CENPE: variants seen among roughly 807,000 people sequenced by gnomAD.
The protein encoded by CENPE is centromere-associated protein E.
CENPE carries 145 observed loss-of-function variants against 336.1 expected under a neutral mutation model. That is an observed-to-expected ratio of 0.43 (90% CI 0.38 to 0.50). The LOEUF is 0.50. CENPE is among the 20% of genes least tolerant of loss of function. The probability of loss-of-function intolerance (pLI) is 0.00; values close to 1 mark genes in which losing one functional copy is unlikely to be tolerated. For synonymous variants in CENPE, 1,013 were observed against 984.8 expected (o/e 1.03, Z -0.54); for missense variants, 2,719 against 3,023.3 (o/e 0.90, Z 2.36).
chr4:103,148,917 C>A lies in CENPE; in HGVS notation c.3770G>T (p.Ser1257Ile). The change falls in exon 28 of 49, where the codon AGC becomes ATC. Residue 1257 changes from serine to isoleucine, a missense_variant. By Grantham distance (142) the Ser-to-Ile change is moderately radical. Transcript: ENST00000265148. ...TATTTGAGCTGTCTTCTCAGATACG[C>A]TTCTTCTTAGTTCATCAATAGTTTC... ...HQETIDELRR[S>I]VSEKTAQIIN... 1 of 1,613,316 alleles carries A rather than the reference C, an allele frequency of 6.2e-7. No individual in the cohort carries two copies. The highest frequency in any genetic ancestry group is 8.5e-7 in the Non-Finnish European group (1 of 1,179,394).
Position 103,198,320 on chromosome 4 carries a change from C to T in CENPE, c.-1G>A, listed in dbSNP as rs913801267. 6.4e-7 allele frequency: 1 copy of T among 1,551,394 alleles called. No homozygotes were observed. ...CGGCCACGGCTCCTTCCTCCGCCATCCTATCAGGCTGAACTGGTCCCAGGA... is the reference window on the plus strand; with the variant it reads ...CGGCCACGGCTCCTTCCTCCGCCATTCTATCAGGCTGAACTGGTCCCAGGA... On this transcript the variant is annotated 5_prime_UTR_variant, in exon 1 of 49. Coordinates refer to ENST00000265148, the MANE Select transcript of CENPE (RefSeq NM_001813.3).
intron 13 of CENPE, among the ~76,000 whole-genome samples, chr4:103,179,705 G>A (rs1283653594): frequency 6.6e-6 from 1 of 152,134 alleles, no homozygotes; most frequent in Non-Finnish European, 1.5e-5. Context: ...ACAGGAAAAA[G>A]CAGCAAAGTG....
At chr4:103,170,328 G>A (rs1755297230) in intron 16 of CENPE, among the ~76,000 whole-genome samples, 1 of 152,108 alleles carries the variant, frequency 6.6e-6, no homozygotes, top group Admixed American at 6.6e-5. Flanking sequence ...CAGGCCAGGA[G>A]GGAGTGCAAT....
chr4:103,167,718 A>AACACCCAGGT (rs1335384387), intron 16 of CENPE, among the ~76,000 whole-genome samples: 1 of 152,200 alleles, frequency 6.6e-6, no homozygotes, highest in East Asian at 1.9e-4. Flanking sequence ...AGTGCATACC[A>AACACCCAGGT]ACACCCAGGT....
At chr4:103,168,627 G>A (rs1040936774) in intron 16 of CENPE, among the ~76,000 whole-genome samples, 1 of 152,174 alleles carries the variant, frequency 6.6e-6, no homozygotes, top group African/African-American at 2.4e-5. Flanking sequence ...ACCCAGCCGG[G>A]GTCCTACCGG....
chr4:103,125,544 C>G (rs1261047996), intron 42 of CENPE, among the ~76,000 whole-genome samples: 1 of 152,030 alleles, frequency 6.6e-6, no homozygotes, highest in Non-Finnish European at 1.5e-5. Flanking sequence ...TTTGGAATTT[C>G]TAGTTTAGCA....
At chr4:103,121,120 C>A (rs1166500974) in intron 43 of CENPE, among the ~76,000 whole-genome samples, 2 of 152,104 alleles carry the variant, frequency 1.3e-5, no homozygotes, top group Non-Finnish European at 2.9e-5. Context: ...CATCTCAGAC[C>A]CCCAGTTGAC....
At chr4:103,124,426 T>C (rs745978481) in intron 42 of CENPE, among the ~76,000 whole-genome samples, 1 of 152,238 alleles carries the variant, frequency 6.6e-6, no homozygotes. Flanking sequence ...TGTACTAACA[T>C]ATGAAGAGAA....
chr4:103,136,011 G>T, intron 40 of CENPE, 130 bp downstream of exon 40: 1 of 744,706 alleles, frequency 1.3e-6, no homozygotes, highest in Non-Finnish European at 2.2e-6. Flanking sequence ...ACTATGCTCA[G>T]ACCCACATAA....
At chr4:103,131,466 A>G (rs72944936) in intron 42 of CENPE, among the ~76,000 whole-genome samples, 1,549 of 152,316 alleles carry the variant, frequency 0.01, 29 homozygotes, top group African/African-American at 0.035. Flanking sequence ...AATGCTGATG[A>G]GAATGTGGAG....
At chr4:103,142,000 A>C in intron 34 of CENPE, 92 bp from the exon 35 acceptor site, 2 of 783,320 alleles carry the variant, frequency 2.6e-6, no homozygotes, top group South Asian at 3.4e-5. Flanking sequence ...AAAAATAATA[A>C]CACTGTTACT....
intron 47 of CENPE, 113 bp downstream of exon 47, chr4:103,110,715 T>G: frequency 1.6e-6 from 1 of 622,098 alleles, no homozygotes; most frequent in Non-Finnish European, 2.5e-6. Flanking sequence ...AAAATTACTT[T>G]CCCCATAATG....
intron 9 of CENPE, 139 bp downstream of exon 9, chr4:103,185,671 G>T: frequency 2.0e-6 from 1 of 502,008 alleles, no homozygotes; most frequent in Non-Finnish European, 3.5e-6. Context: ...ACTTTTATCA[G>T]AAAATCACAA....
intron 29 of CENPE, among the ~76,000 whole-genome samples, chr4:103,147,084 C>A (rs1753117835): frequency 6.6e-6 from 1 of 151,990 alleles, no homozygotes; most frequent in Non-Finnish European, 1.5e-5. Context: ...TTGGTTTCAC[C>A]CTTTCTTGTA....
At position 103,144,517 on chromosome 4, in the gene CENPE, A is replaced by T; in HGVS notation, c.4959T>A (p.Phe1653Leu). Residue 1653 changes from phenylalanine to leucine, a missense_variant, in exon 33 of 49, where the codon TTT becomes TTA. By Grantham distance (22) the Phe-to-Leu change is conservative (BLOSUM62 0). Coordinates refer to ENST00000265148, the MANE Select transcript of CENPE (RefSeq NM_001813.3). The stretch of plus-strand genomic sequence containing the variant: ...TTTCCAGGTTTAACTTCTGGGTCTC[A>T]AATTGCTCCTTCAAGTGTTCTATTT... ...MCEIEHLKEQ[F>L]ETQKLNLENI... 1 of 1,614,038 alleles carries T rather than the reference A, an allele frequency of 6.2e-7. No homozygotes were observed. Among genetic ancestry groups the T allele is most frequent in the Non-Finnish European group, 8.5e-7 (1 of 1,179,986 alleles).
intron 29 of CENPE, 60 bp downstream of exon 29, chr4:103,147,296 A>G: frequency 7.1e-7 from 1 of 1,401,252 alleles, no homozygotes. Context: ...CTATAACACA[A>G]ACACAAGCCT....
chr4:103,148,331 T>C (rs979084191), intron 28 of CENPE, among the ~76,000 whole-genome samples: 9 of 152,242 alleles, frequency 5.9e-5, no homozygotes, highest in African/African-American at 2.2e-4. Flanking sequence ...TCCAATGCTA[T>C]GTCTCAATTT....
In CENPE at chr4:103,185,580, G is replaced by A. The variant is rs73837654; in HGVS notation, c.745+230C>T. 0.045 allele frequency among the ~76,000 whole-genome samples: 6,809 copies of A among 151,814 alleles called. 498 individuals are homozygous for A. Among genetic ancestry groups the A allele is most frequent in the African/African-American group, 0.15 (6,387 of 41,372 alleles). On this transcript the variant is annotated intron_variant, in intron 9 of 48. Coordinates refer to ENST00000265148, the MANE Select transcript of CENPE (RefSeq NM_001813.3). Reference sequence around the variant, plus strand: ...TTCCTGCTGTACAATCCCATCAATTGTATAATTTTCATTTTTTAATTGATG... The same window carrying A: ...TTCCTGCTGTACAATCCCATCAATTATATAATTTTCATTTTTTAATTGATG...
intron 16 of CENPE, among the ~76,000 whole-genome samples, chr4:103,171,487 C>T (rs1442043056): frequency 6.6e-6 from 1 of 151,498 alleles, no homozygotes; most frequent in Non-Finnish European, 1.5e-5. Context: ...ACACAATATA[C>T]CAAAATGTAT....
Sources: allele counts gnomAD v4.1 joint callset (sites outside exome capture counted in the v4.1 genomes callset), GRCh38; gene constraint gnomAD v4.1.1; transcripts MANE v1.5; gene names NCBI Gene and HGNC (gene_info 2026-07-23, HGNC 2026-07-21).